Variants in RERE observed in about 807,000 individuals in gnomAD.
The protein encoded by RERE is arginine-glutamic acid dipeptide repeats, also known as arginine-glutamic acid dipeptide repeats protein.
In RERE, 40 loss-of-function variants were observed where a neutral mutation model predicts 146.1. The observed-to-expected ratio is 0.27, with a 90% CI of 0.21 to 0.36. The LOEUF is 0.36. Ranked by LOEUF, RERE falls within the 10% of genes least tolerant of loss-of-function variation. The probability of loss-of-function intolerance (pLI) is 1.00; values close to 1 mark genes in which losing one functional copy is unlikely to be tolerated. For missense variants in RERE, 1,933 were observed against 2,138.7 expected (o/e 0.90, Z 1.90); for synonymous variants, 1,003 against 866.0 (o/e 1.16, Z -2.78).
At chr1:8,712,332 T>G (rs1233530711) in intron 1 of RERE, among the ~76,000 whole-genome samples, 1 of 152,132 alleles carries the variant, frequency 6.6e-6, no homozygotes. Flanking sequence ...AACAACTGAG[T>G]GAGTACAAAG....
At chr1:8,768,285 CTCTAAA>C (rs1309287786) in intron 1 of RERE, among the ~76,000 whole-genome samples, 2 of 152,180 alleles carry the variant, frequency 1.3e-5, no homozygotes, top group African/African-American at 4.8e-5. Flanking sequence ...ATACTCTGCA[CTCTAAA>C]TCTAACCATG....
intron 16 of RERE, 95 bp downstream of exon 16, chr1:8,362,588 C>T (rs1269167759): frequency 5.4e-6 from 8 of 1,482,854 alleles, no homozygotes; most frequent in Non-Finnish European, 7.5e-6. Flanking sequence ...TGAGCTGCAT[C>T]CTCGTGTCTG....
At chr1:8,706,402 T>C (rs1352141116) in intron 1 of RERE, among the ~76,000 whole-genome samples, 1 of 152,212 alleles carries the variant, frequency 6.6e-6, no homozygotes, top group Non-Finnish European at 1.5e-5. Flanking sequence ...CTAACTAGTG[T>C]CCTATTTCCA....
intron 4 of RERE, among the ~76,000 whole-genome samples, chr1:8,584,790 T>A (rs546778984): frequency 1.3e-5 from 2 of 152,260 alleles, no homozygotes; most frequent in East Asian, 3.9e-4. Context: ...CCAGAAATCA[T>A]AATTGGTGGT....
At chr1:8,594,916 T>G (rs1457013416) in intron 4 of RERE, among the ~76,000 whole-genome samples, 2 of 152,046 alleles carry the variant, frequency 1.3e-5, no homozygotes, top group Non-Finnish European at 2.9e-5. Context: ...CCCAGTGCCT[T>G]GGGAGGCCAA....
At chr1:8,457,499 A>C (rs1644465969) in intron 11 of RERE, among the ~76,000 whole-genome samples, 1 of 152,240 alleles carries the variant, frequency 6.6e-6, no homozygotes, top group African/African-American at 2.4e-5. Flanking sequence ...ACTACTAGAG[A>C]AGATACAAAA....
chr1:8,493,623 G>A (rs1450115244), intron 10 of RERE, among the ~76,000 whole-genome samples: 1 of 152,042 alleles, frequency 6.6e-6, no homozygotes, highest in African/African-American at 2.4e-5. Flanking sequence ...CAGTATTTAA[G>A]TCATCTAGCC....
intron 11 of RERE, chr1:8,424,722 G>A (rs1051096915): frequency 6.6e-6 from 1 of 152,478 alleles, no homozygotes. Context: ...CAGTCCTAGG[G>A]CCTGCAAGAA....
intron 1 of RERE, among the ~76,000 whole-genome samples, chr1:8,799,872 C>T (rs1020307598): frequency 5.3e-5 from 8 of 151,290 alleles, no homozygotes; most frequent in African/African-American, 7.3e-5. Flanking sequence ...AGTGCAGTGG[C>T]GCAATTTCCG....
intron 1 of RERE, among the ~76,000 whole-genome samples, chr1:8,668,784 C>T (rs1638635123): frequency 6.6e-6 from 1 of 152,136 alleles, no homozygotes; most frequent in Non-Finnish European, 1.5e-5. Flanking sequence ...GAGCAGATTA[C>T]TTGTTGCCTA....
chr1:8,619,936 A>G (rs1404859703), intron 3 of RERE, among the ~76,000 whole-genome samples: 1 of 152,222 alleles, frequency 6.6e-6, no homozygotes, highest in East Asian at 1.9e-4. Context: ...GGAATGAACA[A>G]TATTTTATAC....
intron 11 of RERE, among the ~76,000 whole-genome samples, chr1:8,445,202 C>A (rs1221636725): frequency 6.6e-6 from 1 of 152,202 alleles, no homozygotes; most frequent in African/African-American, 2.4e-5. Flanking sequence ...CATGCTTCCA[C>A]ATCTCAGCTA....
chr1:8,433,043 C>T (rs1163011946), intron 11 of RERE, among the ~76,000 whole-genome samples: 1 of 152,148 alleles, frequency 6.6e-6, no homozygotes, highest in Non-Finnish European at 1.5e-5. Flanking sequence ...AATAAAAGCA[C>T]ATGTCGGAGA....
chr1:8,712,209 G>A (rs1186725115), intron 1 of RERE, among the ~76,000 whole-genome samples: 2 of 152,218 alleles, frequency 1.3e-5, no homozygotes, highest in Non-Finnish European at 2.9e-5. Flanking sequence ...GGTTTCTTGT[G>A]TTTTCTTCTG....
At chr1:8,520,936 G>C (rs934320950) in intron 7 of RERE, among the ~76,000 whole-genome samples, 2 of 151,824 alleles carry the variant, frequency 1.3e-5, no homozygotes, top group African/African-American at 4.8e-5. Context: ...GACCAAGCAA[G>C]CATGTCTACA....
chr1:8,556,792 T>C (rs1310922991), intron 5 of RERE, among the ~76,000 whole-genome samples: 1 of 152,178 alleles, frequency 6.6e-6, no homozygotes, highest in Non-Finnish European at 1.5e-5. Flanking sequence ...CTATGTTTTA[T>C]ACCCCTTAGT....
At chr1:8,558,593 A>T (rs1646034567) in intron 4 of RERE, among the ~76,000 whole-genome samples, 1 of 152,174 alleles carries the variant, frequency 6.6e-6, no homozygotes, top group Non-Finnish European at 1.5e-5. Context: ...AATATGATAA[A>T]AGAGCCCTCA....
At chr1:8,541,470 T>G in intron 6 of RERE, 152 bp from the exon 7 acceptor site, 1 of 565,506 alleles carries the variant, frequency 1.8e-6, no homozygotes, top group Non-Finnish European at 3.1e-6. Flanking sequence ...TATTCAGCTG[T>G]TTCATGACTG....
intron 1 of RERE, among the ~76,000 whole-genome samples, chr1:8,759,660 C>CT (rs957367565): frequency 7.9e-5 from 12 of 152,280 alleles, no homozygotes; most frequent in Admixed American, 5.9e-4. Flanking sequence ...CTAAGTGGCT[C>CT]TGCTAACTGC....
Sources: allele counts gnomAD v4.1 joint callset (sites outside exome capture counted in the v4.1 genomes callset), GRCh38; gene constraint gnomAD v4.1.1; transcripts MANE v1.5; gene names NCBI Gene and HGNC (gene_info 2026-07-23, HGNC 2026-07-21).